The following PTPA variants were observed in gnomAD, a reference collection of about 807,000 sequenced individuals.
PTPA encodes protein phosphatase 2 phosphatase activator, also known as serine/threonine-protein phosphatase 2A activator.
A neutral mutation model predicts 43.6 loss-of-function variants in PTPA; 13 were observed. The ratio of observed to expected loss-of-function variants is 0.30; its 90% CI spans 0.19 to 0.47. PTPA has a LOEUF of 0.47. PTPA is among the 20% of genes least tolerant of loss of function. PTPA has a pLI of 0.99. For missense variants in PTPA, 329 were observed against 411.9 expected (o/e 0.80, Z 1.74); for synonymous variants, 172 against 158.2 (o/e 1.09, Z -0.66).
chr9:129,127,725 A>AGG, intron 3 of PTPA, among the ~76,000 whole-genome samples: 1 of 152,298 alleles, frequency 6.6e-6, no homozygotes, highest in Non-Finnish European at 1.5e-5. Context: ...GGAAAGGTGT[A>AGG]GGGGGATGGG....
intron 1 of PTPA, 144 bp downstream of exon 1, chr9:129,111,775 A>C (rs2131521162): frequency 5.3e-6 from 6 of 1,126,838 alleles, no homozygotes; most frequent in East Asian, 8.8e-5. Flanking sequence ...ACTGAGTTGA[A>C]TGGCCTTAGG....
At chr9:129,127,466 C>T (rs552036950) in intron 3 of PTPA, among the ~76,000 whole-genome samples, 3 of 152,220 alleles carry the variant, frequency 2.0e-5, no homozygotes, top group Non-Finnish European at 2.9e-5. Context: ...TCCATAGACA[C>T]AGGCAAGATC....
chr9:129,142,328 G>GTGT, intron 8 of PTPA, 117 bp from the exon 9 acceptor site: 1 of 889,970 alleles, frequency 1.1e-6, no homozygotes, highest in East Asian at 2.6e-5. Context: ...TGCATTGTGT[G>GTGT]CGTGTGCGTT....
Position 129,131,507 on chromosome 9 carries a change from C to T in PTPA, c.343-15C>T. The T allele has an allele frequency of 1.2e-6, 2 of 1,610,960 alleles. No individual in the cohort carries two copies. The highest frequency in any genetic ancestry group is 1.1e-5 in the South Asian group (1 of 90,992). ...TTAATATGCTGCCACCACTTTGTGT[C>T]TCTTGTGTTACCAGGAAGCAGAAAA... On this transcript the variant is annotated splice_polypyrimidine_tract_variant and intron_variant, in intron 4 of 9. Transcript: ENST00000393370.
chr9:129,125,592 G>A (rs1849525574), intron 3 of PTPA, among the ~76,000 whole-genome samples: 1 of 151,814 alleles, frequency 6.6e-6, no homozygotes, highest in African/African-American at 2.4e-5. Flanking sequence ...TTGCAGTGTG[G>A]TTACATGCTT....
intron 9 of PTPA, chr9:129,142,971 A>G: frequency 1.5e-6 from 2 of 1,367,356 alleles, no homozygotes; most frequent in South Asian, 1.5e-5. Context: ...GCTGCCTTCA[A>G]ATGTTAGTGT....
At chr9:129,126,599 T>A (rs1434853827) in intron 3 of PTPA, among the ~76,000 whole-genome samples, 2 of 152,196 alleles carry the variant, frequency 1.3e-5, no homozygotes, top group African/African-American at 2.4e-5. Context: ...TTTGCTTTTT[T>A]AAAACTTACA....
At chr9:129,137,908 C>G (rs1268497723) in intron 8 of PTPA, 9 of 571,260 alleles carry the variant, frequency 1.6e-5, no homozygotes, top group South Asian at 7.6e-5. Context: ...TCAGTTTCTC[C>G]TGAACACCAC....
intron 9 of PTPA, among the ~76,000 whole-genome samples, chr9:129,144,420 G>A (rs954636712): frequency 1.3e-5 from 2 of 152,238 alleles, no homozygotes; most frequent in Admixed American, 1.3e-4. Context: ...TGTATAGGGT[G>A]ACGCTGGAAC....
At chr9:129,132,088 T>A (rs1850016162) in intron 5 of PTPA, among the ~76,000 whole-genome samples, 1 of 152,166 alleles carries the variant, frequency 6.6e-6, no homozygotes, top group Non-Finnish European at 1.5e-5. Context: ...CCACATTCTC[T>A]GTGCTATTGG....
chr9:129,123,744 C>T (rs544068329), intron 3 of PTPA, among the ~76,000 whole-genome samples: 3 of 151,788 alleles, frequency 2.0e-5, no homozygotes, highest in African/African-American at 7.2e-5. Flanking sequence ...AGTGCAGTGG[C>T]GCGATCTTGG....
chr9:129,120,439 A>C (rs1331734233), intron 1 of PTPA, 74 bp from the exon 2 acceptor site: 3 of 928,460 alleles, frequency 3.2e-6, no homozygotes, highest in African/African-American at 1.7e-5. Flanking sequence ...AAAAAAAAAA[A>C]GGTGAAAGGG....
chr9:129,138,686 C>T (rs1275203557), intron 8 of PTPA, among the ~76,000 whole-genome samples: 5 of 152,172 alleles, frequency 3.3e-5, no homozygotes, highest in South Asian at 2.1e-4. Context: ...GCTCTCCGTC[C>T]GGGCTGTGTA....
chr9:129,137,903 T>G, intron 8 of PTPA: 1 of 577,130 alleles, frequency 1.7e-6, no homozygotes, highest in Non-Finnish European at 3.2e-6. Flanking sequence ...CTCCTTCAGT[T>G]TCTCCTGAAC....
At chr9:129,134,170 C>T (rs17508847) in intron 5 of PTPA, among the ~76,000 whole-genome samples, 1 of 152,230 alleles carries the variant, frequency 6.6e-6, no homozygotes, top group African/African-American at 2.4e-5. Context: ...GTAACATGGA[C>T]AGTGACTGCT....
chr9:129,111,470 AG>A lies in PTPA; in HGVS notation c.-130del. On this transcript the variant is annotated 5_prime_UTR_variant, in exon 1 of 10. An upstream open reading frame in the 5' UTR loses its in-frame stop. Transcript: ENST00000393370. ...ACTTTAACTCTCGGTTTTCGGTTAT[AG>A]CCGGCCGGCGCTCACTTGTCTTCAG... 1 of 1,262,140 alleles carries A rather than the reference AG, an allele frequency of 7.9e-7. No homozygotes were observed. Among genetic ancestry groups the A allele is most frequent in the Non-Finnish European group, 1.0e-6 (1 of 995,542 alleles). 78.2% of individuals were successfully genotyped at this position (1,262,140 alleles called of 1,614,324 possible). A position where few individuals can be genotyped will look rare whatever the true frequency, so the allele number is the denominator to read the frequency against.
At position 129,137,671 on chromosome 9, in the gene PTPA, G is replaced by C. The variant is rs530974957; in HGVS notation, c.765G>C (p.Glu255Asp). Residue 255 changes from glutamate (E) to aspartate (D), a missense_variant, in exon 8 of 10, where the codon GAG becomes GAC. Transcript: ENST00000393370. ...ACCACAAGGACTACATGTTCCTGGA[G>C]TGTATCCTGTTTATTACCGAGGTGA... ...NENHKDYMFL[E>D]CILFITEMKT... The C allele has an allele frequency of 6.2e-7, 1 of 1,609,650 alleles. No individual in the cohort carries two copies. The highest frequency in any genetic ancestry group is 2.2e-5 in the East Asian group (1 of 44,836).
rs779334077 is a variant in PTPA, at chr9:129,134,908, C to T, written c.560+14C>T. 1 of 1,606,286 alleles carries T rather than the reference C, an allele frequency of 6.2e-7. No individual in the cohort carries two copies. Among genetic ancestry groups the T allele is most frequent in the South Asian group, 1.1e-5 (1 of 90,810 alleles). On this transcript the variant is annotated intron_variant, in intron 6 of 9. Transcript: ENST00000393370. ...GGTGTTCAATCGGTGAGAGAAAGGA[C>T]AGGAGGGTTGGAGGAGGGGGCGTGA...
chr9:129,111,647 C>G lies in PTPA; in HGVS notation c.31+16C>G. Reference sequence around the variant, plus strand: ...CCGCCGCCAGGTAAGGCCGGCGGGGCCAGGCCGGGCCGGGGTCGGGTAGGG... The same window carrying G: ...CCGCCGCCAGGTAAGGCCGGCGGGGGCAGGCCGGGCCGGGGTCGGGTAGGG... On this transcript the variant is annotated intron_variant, in intron 1 of 9. Transcript: ENST00000393370. 7.8e-7 allele frequency: 1 copy of G among 1,278,516 alleles called. No individual in the cohort carries two copies. Among genetic ancestry groups the G allele is most frequent in the South Asian group, 2.8e-5 (1 of 35,364 alleles). The allele number at this position is 1,278,516 out of a possible 1,614,324, so 79.2% of individuals were successfully genotyped here.
Sources: gnomAD v4.1 joint callset for allele counts (sites outside exome capture counted in the v4.1 genomes callset) on GRCh38, gnomAD v4.1.1 for gene constraint, MANE v1.5 for transcripts, NCBI Gene and HGNC (gene_info 2026-07-23, HGNC 2026-07-21) for gene names.